Variants in INSRR observed in about 807,000 individuals in gnomAD.
INSRR encodes the protein insulin receptor-related protein.
Under a neutral mutation model 130.0 loss-of-function variants are expected in INSRR, and 114 were observed. That is an observed-to-expected ratio of 0.88 (90% CI 0.75 to 1.02). INSRR has a LOEUF of 1.02. Among genes scored for constraint, INSRR ranks in the 50% least tolerant of loss-of-function variants. The pLI is 0.00. For synonymous variants in INSRR, 674 were observed against 705.2 expected, an observed-to-expected ratio of 0.96 and a Z score of 0.70; for missense variants, 1,657 against 1,735.2, an observed-to-expected ratio of 0.95 and a Z score of 0.80.
In INSRR at chr1:156,854,374, T is replaced by C; in HGVS notation, c.86-71A>G. The C allele has an allele frequency of 7.0e-7, 1 of 1,433,810 alleles. No homozygotes were observed. The highest frequency in any genetic ancestry group is 1.3e-5 in the South Asian group (1 of 74,510). 88.8% of individuals were successfully genotyped at this position (1,433,810 alleles called of 1,614,324 possible). A position where few individuals can be genotyped will look rare whatever the true frequency, so the allele number is the denominator to read the frequency against. On this transcript the variant is annotated intron_variant, in intron 1 of 21. Transcript: ENST00000368195. The surrounding 1 kb of genome is among the most constrained non-coding windows in gnomAD (Gnocchi z 4.2). Reference sequence around the variant, plus strand: ...ATTCCCCATCCAGCCCTGGCAGCTTTGGAGGGGAGCCACACTGGCAGTAGG... The same window carrying C: ...ATTCCCCATCCAGCCCTGGCAGCTTCGGAGGGGAGCCACACTGGCAGTAGG...
rs1558084914 is a variant in INSRR, at chr1:156,844,233, C to G, written c.2785G>C (p.Val929Leu). The change falls in exon 15 of 22, where the codon GTG becomes CTG. Residue 929 changes from valine to leucine, a missense_variant. Coordinates refer to ENST00000368195, the MANE Select transcript of INSRR (RefSeq NM_014215.3). ...AGAACGATGAGCAGCGTGAGCCCCA[C>G]AGGGGTGGCAGTGAGGAGGACATGC... ...GLHVLLTATP[V>L]GLTLLIVLAA... 31 of 1,613,972 alleles carry G rather than the reference C, an allele frequency of 1.9e-5. No homozygotes were observed. The highest frequency in any genetic ancestry group is 2.6e-5 in the Non-Finnish European group (31 of 1,179,984).
chr1:156,851,647 G>A lies in INSRR; in HGVS notation c.1083C>T (p.Gly361=), dbSNP rs749732180. The change falls in exon 4 of 22, where the codon GGC becomes GGT. Residue 361 remains glycine, a splice_region_variant and synonymous_variant. Transcript: ENST00000368195. The part of the protein sequence containing the change: ...EGSLILNLRQ[G]YNLEPQLQHS... Reference sequence around the variant, plus strand: ...TGTGGCCCCAAAGTAGGTACTGACAGCCCTGGCGAAGGTTGAGGATGAGGC... The same window carrying A: ...TGTGGCCCCAAAGTAGGTACTGACAACCCTGGCGAAGGTTGAGGATGAGGC... The A allele has an allele frequency of 1.7e-5, 27 of 1,614,082 alleles. No homozygotes were observed. The highest frequency in any genetic ancestry group is 2.3e-5 in the Non-Finnish European group (27 of 1,180,020).
At position 156,850,531 on chromosome 1, in the gene INSRR, ATTCTTTTTTTTTTTTTT is replaced by A. The variant is rs1655169688; in HGVS notation, c.1229+742_1229+758del. On this transcript the variant is annotated intron_variant, in intron 5 of 21. Coordinates refer to ENST00000368195, the MANE Select transcript of INSRR (RefSeq NM_014215.3). ...CCCGACCTGGATGGTAATTTAAAAC[ATTCTTTTTTTTTTTTTT>A]TTTTTTTTTTTTTTTTTGAGATGGA... is the stretch of plus-strand genomic sequence containing the variant. 1.2e-4 allele frequency among the ~76,000 whole-genome samples: 12 copies of A among 97,018 alleles called. 1 individual carries two copies. Among genetic ancestry groups the A allele is most frequent in the African/African-American group, 1.9e-4 (5 of 25,872 alleles). 63.6% of individuals were successfully genotyped at this position (97,018 alleles called of 152,430 possible).
Position 156,853,791 on chromosome 1 carries a change from T to C in INSRR, c.598A>G (p.Thr200Ala). The change falls in exon 2 of 22, where the codon ACT becomes GCT. Residue 200 changes from threonine to alanine, a missense_variant. Thr to Ala is a moderately conservative substitution (Grantham distance 58, BLOSUM62 0). Transcript: ENST00000368195. Reference protein sequence around the residue: ...PCAKTTFSGHTDYRCWTSSHC... With the variant: ...PCAKTTFSGHADYRCWTSSHC... Reference sequence around the variant, plus strand: ...CTGGAGGTCCAGCATCTGTAGTCAGTGTGCCCGCTGAAGGTGGTCTTGGCA... The same window carrying C: ...CTGGAGGTCCAGCATCTGTAGTCAGCGTGCCCGCTGAAGGTGGTCTTGGCA... 1 of 1,610,304 alleles carries C rather than the reference T, an allele frequency of 6.2e-7. No individual in the cohort carries two copies. Among genetic ancestry groups the C allele is most frequent in the Non-Finnish European group, 8.5e-7 (1 of 1,177,176 alleles).
In INSRR at chr1:156,843,251, G is replaced by T. The variant is rs748035320; in HGVS notation, c.2897-18C>A. ...GACATACACTGCAAGGAGGTGGAGG[G>T]TCACAAAGCGAGGATGCTGCTCTCT... is the stretch of plus-strand genomic sequence containing the variant. On this transcript the variant is annotated intron_variant, in intron 16 of 21. Transcript: ENST00000368195. 4 of 1,610,192 alleles carry T rather than the reference G, an allele frequency of 2.5e-6. No homozygotes were observed. The Admixed American group carries it at 5.0e-5, about 20-fold the overall frequency.
rs781038209 is a variant in INSRR, at chr1:156,854,196, C to A, written c.193G>T (p.Gly65Trp). 1 of 1,614,092 alleles carries A rather than the reference C, an allele frequency of 6.2e-7. No individual in the cohort carries two copies. Among genetic ancestry groups the A allele is most frequent in the Non-Finnish European group, 8.5e-7 (1 of 1,180,028 alleles). ...LQILLMFTAT[G>W]EDFRGLSFPR... The stretch of plus-strand genomic sequence containing the variant: ...AAGCTGAGGCCGCGGAAGTCCTCCC[C>A]GGTGGCTGTGAACATGAGCAGGATC... Residue 65 changes from glycine (G) to tryptophan (W), a missense_variant, in exon 2 of 22, where the codon GGG (glycine) becomes TGG (tryptophan). Physicochemically the swap from Gly to Trp is radical, Grantham distance 184. Coordinates refer to ENST00000368195, the MANE Select transcript of INSRR (RefSeq NM_014215.3). This position sits in a 1 kb window ranked among gnomAD's most constrained non-coding sequence, Gnocchi z 4.2.
chr1:156,846,035 T>C lies in INSRR; in HGVS notation c.1895A>G (p.Asn632Ser), dbSNP rs745393922. The C allele has an allele frequency of 3.7e-6, 6 of 1,613,794 alleles. No individual in the cohort carries two copies. The highest frequency in any genetic ancestry group is 2.7e-5 in the African/African-American group (2 of 74,886). Reference protein sequence around the residue: ...LVRWKPPTQRNGNLTYYLVLW... With the variant: ...LVRWKPPTQRSGNLTYYLVLW... ...CACCAGGTAGTAGGTGAGGTTCCCA[T>C]TGCGCTGGGTCGGTGGCTTCCAGCG... The change falls in exon 9 of 22, where the codon AAT (asparagine) becomes AGT (serine). Residue 632 changes from asparagine (N) to serine (S), a missense_variant. Physicochemically the swap from Asn to Ser is conservative, Grantham distance 46. Coordinates refer to ENST00000368195, the MANE Select transcript of INSRR (RefSeq NM_014215.3).
chr1:156,840,977 C>A lies in INSRR; in HGVS notation c.3790G>T (p.Glu1264Ter), dbSNP rs1253041291. 2 of 1,613,688 alleles carry A rather than the reference C, an allele frequency of 1.2e-6. No individual in the cohort carries two copies. Among genetic ancestry groups the A allele is most frequent in the African/African-American group, 2.7e-5 (2 of 75,038 alleles). The part of the protein sequence containing the change: ...FRLLSFYYSP[E>*]CRGARGSLPT... ...AGGGAGCCCCGGGCCCCCCGGCATT[C>A]CGGGCTGTAGTAGAAGGAGAGGAGG... The change falls in exon 22 of 22, where the codon GAA becomes TAA. Residue 1264 changes from glutamate to a stop codon, truncating the protein, a stop_gained. Transcript: ENST00000368195. LOFTEE classifies it low-confidence loss of function (END_TRUNC).
intron 7 of INSRR, 27 bp downstream of exon 7, chr1:156,848,894 C>A (rs1655103009): frequency 6.5e-7 from 1 of 1,549,924 alleles, no homozygotes; most frequent in South Asian, 1.2e-5. Flanking sequence ...GTCCCGCCCC[C>A]GCTCCGGCCC....
Position 156,842,264 on chromosome 1 carries a change from G to A in INSRR, c.3245C>T (p.Pro1082Leu). ...CCCCAATGCTGGCTGTGGGAGCCCA[G>A]GGTTGTTCTAGAGCCAAGATTGGGG... is the stretch of plus-strand genomic sequence containing the variant. ...RSLRPEAENN[P>L]GLPQPALGEM... Residue 1082 changes from proline (P) to leucine (L), a missense_variant, in exon 19 of 22, where the codon CCT becomes CTT. Physicochemically the swap from Pro to Leu is moderately conservative, Grantham distance 98 (BLOSUM62 -3). Coordinates refer to ENST00000368195, the MANE Select transcript of INSRR (RefSeq NM_014215.3). 6.2e-7 allele frequency: 1 copy of A among 1,613,930 alleles called. No homozygotes were observed. Among genetic ancestry groups the A allele is most frequent in the Non-Finnish European group, 8.5e-7 (1 of 1,179,954 alleles).
chr1:156,841,262 G>C (rs1160633221), intron 21 of INSRR, 132 bp downstream of exon 21: 6 of 1,018,238 alleles, frequency 5.9e-6, no homozygotes, highest in Admixed American at 1.9e-5. Context: ...GTTTGGGATA[G>C]GGGGGTGGCG....
chr1:156,842,874 A>T, intron 17 of INSRR, 130 bp downstream of exon 17: 1 of 731,612 alleles, frequency 1.4e-6, no homozygotes, highest in Non-Finnish European at 2.3e-6. Flanking sequence ...CCTTTACCCC[A>T]ATTAGGATCC....
rs780592874 is a variant in INSRR, at chr1:156,844,552, G to A, written c.2647C>T (p.Pro883Ser). ...FGGVHLALLPPGNYSARVRAT... is the reference protein window; with the variant it reads ...FGGVHLALLPSGNYSARVRAT... Reference sequence around the variant, plus strand: ...CTAACCCTGGCAGAGTAGTTTCCAGGGGGCAGCAGGGCCAGGTGGACTCCC... The same window carrying A: ...CTAACCCTGGCAGAGTAGTTTCCAGAGGGCAGCAGGGCCAGGTGGACTCCC... The change falls in exon 14 of 22, where the codon CCT becomes TCT. Residue 883 changes from proline to serine, a missense_variant. Physicochemically the swap from Pro to Ser is moderately conservative, Grantham distance 74. Coordinates refer to ENST00000368195, the MANE Select transcript of INSRR (RefSeq NM_014215.3). The A allele has an allele frequency of 2.5e-6, 4 of 1,614,172 alleles. No individual in the cohort carries two copies. Among genetic ancestry groups the A allele is most frequent in the Non-Finnish European group, 1.7e-6 (2 of 1,180,024 alleles).
chr1:156,849,156 A>G (rs1412095366), intron 6 of INSRR, 90 bp downstream of exon 6: 82 of 1,600,410 alleles, frequency 5.1e-5, no homozygotes, highest in Non-Finnish European at 6.7e-5. Context: ...AGAACTTCTC[A>G]GAGTGTCCCC....
Position 156,852,046 on chromosome 1 carries a change from G to A in INSRR, c.783C>T (p.Ala261=), listed in dbSNP as rs1251510971. Residue 261 remains alanine, a synonymous_variant, in exon 3 of 22, where the codon GCC becomes GCT. Transcript: ENST00000368195. ...HLYFQGACLW[A]CPPGTYQYES... ...CATACTGGTAGGTGCCTGGCGGGCA[G>A]GCCCACAGGCAGGCACCCTGGAAGT... is the stretch of plus-strand genomic sequence containing the variant. 5 of 1,613,436 alleles carry A rather than the reference G, an allele frequency of 3.1e-6. No individual in the cohort carries two copies. The highest frequency in any genetic ancestry group is 4.2e-6 in the Non-Finnish European group (5 of 1,179,952).
Position 156,842,153 on chromosome 1 carries a change from CG to C in INSRR, c.3355del (p.Arg1119AlafsTer18). 6.2e-7 allele frequency: 1 copy of C among 1,613,982 alleles called. No homozygotes were observed. The highest frequency in any genetic ancestry group is 8.5e-7 in the Non-Finnish European group (1 of 1,180,000). On this transcript the variant is annotated frameshift_variant, in exon 19 of 22. Transcript: ENST00000368195. LOFTEE classifies it high-confidence loss of function. ...NKFVHRDLAA[R>X]NCMVSQDFTV... ...GAAGTCCTGGGACACCATGCAGTTG[CG>C]GGCTGCTAGATCTCGGTGCACAAAC...
chr1:156,858,520 C>T lies in INSRR; in HGVS notation c.85+17G>A. 1 of 1,608,108 alleles carries T rather than the reference C, an allele frequency of 6.2e-7. No homozygotes were observed. The highest frequency in any genetic ancestry group is 8.5e-7 in the Non-Finnish European group (1 of 1,174,746). ...GGGAGGGAGGTAGGGGTCTGGGAGCCAGTTCTGGGGACTCACCCTCTACTG... is the reference window on the plus strand; with the variant it reads ...GGGAGGGAGGTAGGGGTCTGGGAGCTAGTTCTGGGGACTCACCCTCTACTG... On this transcript the variant is annotated intron_variant, in intron 1 of 21. Coordinates refer to ENST00000368195, the MANE Select transcript of INSRR (RefSeq NM_014215.3).
intron 21 of INSRR, 55 bp downstream of exon 21, chr1:156,841,338 TG>T: frequency 9.7e-7 from 1 of 1,031,790 alleles, no homozygotes; most frequent in Non-Finnish European, 1.3e-6. Context: ...TGGGGCCGGG[TG>T]GGGGAGGGTT....
At chr1:156,855,080 C>T (rs1363883267) in intron 1 of INSRR, among the ~76,000 whole-genome samples, 1 of 152,178 alleles carries the variant, frequency 6.6e-6, no homozygotes, top group Admixed American at 6.6e-5. Context: ...TCTGTTCCTT[C>T]TGGCCAGAAT....
Sources: gnomAD v4.1 joint callset for allele counts (sites outside exome capture counted in the v4.1 genomes callset) on GRCh38, gnomAD v4.1.1 for gene constraint, Gnocchi (gnomAD v3.1) non-coding constraint, MANE v1.5 for transcripts, NCBI Gene and HGNC (gene_info 2026-07-23, HGNC 2026-07-21) for gene names.